The following PXYLP1 variants were observed in gnomAD, a reference collection of about 807,000 sequenced individuals.
PXYLP1 encodes acid phosphatase-like 2.
A neutral mutation model predicts 37.9 loss-of-function variants in PXYLP1; 17 were observed. That is an observed-to-expected ratio of 0.45 (90% CI 0.31 to 0.67). PXYLP1 has a LOEUF of 0.67. Ranked by LOEUF, PXYLP1 falls within the 30% of genes least tolerant of loss-of-function variation. The pLI is 0.07. For missense variants in PXYLP1, 511 were observed against 612.0 expected (o/e 0.84, Z 1.74); for synonymous variants, 221 against 232.2 (o/e 0.95, Z 0.44).
intron 1 of PXYLP1, among the ~76,000 whole-genome samples, chr3:141,236,101 G>A (rs1024562651): frequency 2.0e-5 from 3 of 152,232 alleles, no homozygotes; most frequent in African/African-American, 7.2e-5. Flanking sequence ...ACAGTCATCT[G>A]TGCATGCGTC....
intron 2 of PXYLP1, chr3:141,273,185 G>A (rs1941710470): frequency 2.0e-6 from 2 of 985,202 alleles, no homozygotes; most frequent in Non-Finnish European, 1.2e-6. Flanking sequence ...CCCCGTGAGG[G>A]CAGAGACCTT....
rs1483808246 is a variant in PXYLP1 at position 141,273,651 on chromosome 3, A to G, written c.80-4691A>G. The G allele has an allele frequency of 4.1e-6, 4 of 985,218 alleles. No individual in the cohort carries two copies. The African/African-American group carries it at 7.0e-5, about 17-fold the overall frequency. 61.0% of individuals were successfully genotyped at this position (985,218 alleles called of 1,614,324 possible). On this transcript the variant is annotated intron_variant, in intron 2 of 5. Transcript: ENST00000286353. ...GTCATGTTCTCTGCCATTTCTTTGA[A>G]ATTGAGACCTTGTCGGCATCTTTAC...
intron 2 of PXYLP1, among the ~76,000 whole-genome samples, chr3:141,268,156 C>T (rs1035479239): frequency 1.0e-4 from 13 of 126,364 alleles, no homozygotes; most frequent in Non-Finnish European, 2.0e-4. Flanking sequence ...CCTTTATATG[C>T]GGGTGGGTGG....
At chr3:141,280,204 G>A (rs1941915040) in intron 4 of PXYLP1, among the ~76,000 whole-genome samples, 1 of 152,246 alleles carries the variant, frequency 6.6e-6, no homozygotes, top group Admixed American at 6.5e-5. Context: ...AGTGAATGAG[G>A]TCAGGAGATG....
intron 2 of PXYLP1, among the ~76,000 whole-genome samples, chr3:141,263,338 G>T (rs1022035410): frequency 2.6e-5 from 4 of 152,168 alleles, no homozygotes; most frequent in African/African-American, 9.7e-5. Flanking sequence ...CTTGCTATAT[G>T]CTAATTGTCT....
At chr3:141,270,369 C>T (rs1251587211) in intron 2 of PXYLP1, among the ~76,000 whole-genome samples, 1 of 152,226 alleles carries the variant, frequency 6.6e-6, no homozygotes, top group Non-Finnish European at 1.5e-5. Context: ...CCACTCCAGC[C>T]TTTAAAAGCA....
intron 1 of PXYLP1, among the ~76,000 whole-genome samples, chr3:141,257,294 G>A (rs1327666105): frequency 1.3e-5 from 2 of 152,200 alleles, no homozygotes; most frequent in East Asian, 3.8e-4. Flanking sequence ...CCAGCAGTCT[G>A]GCCTAGGGTC....
chr3:141,258,450 G>T (rs1941315545), intron 1 of PXYLP1: 2 of 154,412 alleles, frequency 1.3e-5, no homozygotes, highest in African/African-American at 4.8e-5. Context: ...CAAGAAGAAG[G>T]GCCATTCCGC....
At chr3:141,278,722 G>C (rs546431912) in intron 3 of PXYLP1, among the ~76,000 whole-genome samples, 13 of 152,266 alleles carry the variant, frequency 8.5e-5, no homozygotes, top group Admixed American at 6.5e-5. Flanking sequence ...TAACTGCTCT[G>C]AACATACCAC....
chr3:141,285,975 T>C (rs545681991), intron 4 of PXYLP1, among the ~76,000 whole-genome samples: 1 of 152,354 alleles, frequency 6.6e-6, no homozygotes, highest in African/African-American at 2.4e-5. Context: ...TTTAGCTTTA[T>C]GTTGTTGATA....
At chr3:141,284,395 C>T (rs1402907031) in intron 4 of PXYLP1, among the ~76,000 whole-genome samples, 2 of 152,308 alleles carry the variant, frequency 1.3e-5, no homozygotes, top group East Asian at 3.9e-4. Context: ...TACATCTTTC[C>T]GTTCTGTTGG....
intron 1 of PXYLP1, among the ~76,000 whole-genome samples, chr3:141,238,999 T>A (rs1940726234): frequency 6.6e-6 from 1 of 151,446 alleles, no homozygotes; most frequent in Admixed American, 6.6e-5. Flanking sequence ...GTCGACCTGC[T>A]CAGTTCAAAT....
intron 2 of PXYLP1, chr3:141,262,799 G>A (rs561484229): frequency 1.8e-6 from 2 of 1,113,822 alleles, no homozygotes; most frequent in South Asian, 2.7e-5. Context: ...TTGCTTTATT[G>A]GTTGCTTATT....
At position 141,292,605 on chromosome 3, in the gene PXYLP1, C is replaced by A. The variant is rs183205895; in HGVS notation, c.843C>A (p.Ile281=). The A allele has an allele frequency of 8.7e-6, 14 of 1,613,954 alleles. No homozygotes were observed. In the South Asian group the frequency reaches 1.3e-4, roughly 15 times the overall value. The change falls in exon 6 of 6, where the codon ATC becomes ATA. Residue 281 remains isoleucine (I), a synonymous_variant. Coordinates refer to ENST00000286353, the MANE Select transcript of PXYLP1 (RefSeq NM_001037172.3). The surrounding 1 kb of genome is among the most constrained non-coding windows in gnomAD (Gnocchi z 4.3). ...AGACCTACGGGGAGATGGCCAAGAT[C>A]GTGGATGTCCCCACCAAGCAGCTTA... The part of the protein sequence containing the change: ...LEKTYGEMAK[I]VDVPTKQLRA...
intron 2 of PXYLP1, chr3:141,262,372 A>G: frequency 9.6e-7 from 1 of 1,037,510 alleles, no homozygotes; most frequent in Non-Finnish European, 1.2e-6. Context: ...TTGTTTATAA[A>G]TTTTCATTAA....
intron 4 of PXYLP1, 101 bp downstream of exon 4, chr3:141,279,605 G>A (rs1576601853): frequency 6.8e-6 from 10 of 1,467,282 alleles, no homozygotes; most frequent in Non-Finnish European, 8.4e-6. Flanking sequence ...CTGTTTGCAG[G>A]AGCCTGAGCT....
In PXYLP1 at chr3:141,262,551, A is replaced by G. The variant is rs374692727; in HGVS notation, c.79+2297A>G. 1.6e-5 allele frequency: 18 copies of G among 1,160,388 alleles called. No homozygotes were observed. The East Asian group carries it at 4.0e-4, about 25-fold the overall frequency. The allele number at this position is 1,160,388 out of a possible 1,614,324, so 71.9% of individuals were successfully genotyped here. A position where few individuals can be genotyped will look rare whatever the true frequency, so the allele number is the denominator to read the frequency against. On this transcript the variant is annotated intron_variant, in intron 2 of 5. Coordinates refer to ENST00000286353, the MANE Select transcript of PXYLP1 (RefSeq NM_001037172.3). ...GAATTGGCCTGTGTGTTTTGCTTAT[A>G]TAACTCTTCTGAAAGTACCTTCTGT... is the stretch of plus-strand genomic sequence containing the variant.
At chr3:141,278,600 C>G in intron 3 of PXYLP1, 100 bp downstream of exon 3, 1 of 1,449,452 alleles carries the variant, frequency 6.9e-7, no homozygotes, top group Non-Finnish European at 9.4e-7. Flanking sequence ...GGACCCAAGT[C>G]CTGCAGTTGC....
intron 3 of PXYLP1, 26 bp from the exon 4 acceptor site, chr3:141,279,352 C>G: frequency 6.2e-7 from 1 of 1,613,696 alleles, no homozygotes; most frequent in South Asian, 1.1e-5. Context: ...TGAGTGATAA[C>G]CAGACAATGT....
Sources: gnomAD v4.1 joint callset for allele counts (sites outside exome capture counted in the v4.1 genomes callset) on GRCh38, gnomAD v4.1.1 for gene constraint, Gnocchi (gnomAD v3.1) non-coding constraint, MANE v1.5 for transcripts, NCBI Gene and HGNC (gene_info 2026-07-23, HGNC 2026-07-21) for gene names.